EFCAB5: variants seen among roughly 807,000 people sequenced by gnomAD.
The protein encoded by EFCAB5 is EF-hand calcium-binding domain-containing protein 5.
A neutral mutation model predicts 167.9 loss-of-function variants in EFCAB5; 131 were observed. The observed-to-expected ratio is 0.78, with a 90% CI of 0.68 to 0.90. The LOEUF (loss-of-function observed/expected upper bound fraction) is 0.90, where lower values mean the gene tolerates loss of function less well. EFCAB5 is among the 40% of genes least tolerant of loss of function. The pLI is 0.00. For missense variants in EFCAB5, 1,663 were observed against 1,745.2 expected (o/e 0.95, Z 0.84); for synonymous variants, 574 against 602.8 (o/e 0.95, Z 0.70).
At chr17:29,951,633 G>A (rs1359584101) in intron 3 of EFCAB5, among the ~76,000 whole-genome samples, 1 of 151,982 alleles carries the variant, frequency 6.6e-6, no homozygotes, top group African/African-American at 2.4e-5. Flanking sequence ...GGGATTACAG[G>A]TGTGAGCCAC....
chr17:29,933,807 C>T (rs1597544119), intron 1 of EFCAB5, among the ~76,000 whole-genome samples: 1 of 152,102 alleles, frequency 6.6e-6, no homozygotes, highest in Non-Finnish European at 1.5e-5. Flanking sequence ...CTACTAAAAC[C>T]TATCAAGGAA....
intron 12 of EFCAB5, among the ~76,000 whole-genome samples, chr17:30,057,107 G>A (rs1401768648): frequency 6.6e-6 from 1 of 152,142 alleles, no homozygotes; most frequent in African/African-American, 2.4e-5. Context: ...AGGAGTTGTG[G>A]TGGTGGTATT....
At position 29,962,632 on chromosome 17, in the gene EFCAB5, CT is replaced by C. The variant is rs796553756; in HGVS notation, c.191-6140del. Among the ~76,000 whole-genome samples the C allele has an allele frequency of 8.4e-3, 923 of 110,408 alleles. 12 individuals carry two copies. Among genetic ancestry groups the C allele is most frequent in the African/African-American group, 0.029 (825 of 28,736 alleles). 72.4% of individuals were successfully genotyped at this position (110,408 alleles called of 152,430 possible). ...TACGGGTACGTGCCACCATGCCTGG[CT>C]TTTTTTTTTTTTTTTTTTAGACAGG... On this transcript the variant is annotated intron_variant, in intron 3 of 22. Transcript: ENST00000394835.
In EFCAB5 at chr17:30,092,971, C is replaced by T. The variant is rs572336820; in HGVS notation, c.4321+35C>T. 6.1e-6 allele frequency: 9 copies of T among 1,483,802 alleles called. No individual in the cohort carries two copies. In the South Asian group the frequency reaches 9.8e-5, roughly 16 times the overall value. 91.9% of individuals were successfully genotyped at this position (1,483,802 alleles called of 1,614,324 possible). On this transcript the variant is annotated intron_variant, in intron 22 of 22. Transcript: ENST00000394835. ...CACTTAATTACAGCCTAAATCTATG[C>T]CAACAGCAATAAAACACAGTTGTGA...
At chr17:30,093,563 T>G (rs191473264) in intron 22 of EFCAB5, among the ~76,000 whole-genome samples, 1 of 152,228 alleles carries the variant, frequency 6.6e-6, no homozygotes, top group Non-Finnish European at 1.5e-5. Context: ...CTTCCCGCTC[T>G]CCTACTATCT....
At position 30,053,262 on chromosome 17, in the gene EFCAB5, C is replaced by T. The variant is rs1455982190; in HGVS notation, c.1308C>T (p.Phe436=). Residue 436 remains phenylalanine, a synonymous_variant, in exon 10 of 23, where the codon TTC becomes TTT. Coordinates refer to ENST00000394835, the MANE Select transcript of EFCAB5 (RefSeq NM_198529.4). ...TTTTGTTTTCTGCATTAGGGCCATT[C>T]ATTGAATTTGAAGAGATAAACTTGA... The part of the protein sequence containing the change: ...SLLRNPRQWP[F]IEFEEINLTE... 6.3e-7 allele frequency: 1 copy of T among 1,597,822 alleles called. No individual in the cohort carries two copies. Among genetic ancestry groups the T allele is most frequent in the Non-Finnish European group, 8.5e-7 (1 of 1,171,432 alleles).
rs143162725 is a variant in EFCAB5, at chr17:30,092,686, G to A, written c.4225-154G>A. Among the ~76,000 whole-genome samples the A allele has an allele frequency of 5.1e-3, 773 of 152,248 alleles. 8 individuals are homozygous for A. Among genetic ancestry groups the A allele is most frequent in the African/African-American group, 0.018 (734 of 41,546 alleles). On this transcript the variant is annotated intron_variant, in intron 21 of 22. Transcript: ENST00000394835. ...TTACAGGCGTGAGCCACCACACCCG[G>A]CCATGGGTAACCATCATCTTCACTT...
In EFCAB5 at chr17:29,994,814, G is replaced by T. The variant is rs533964415; in HGVS notation, c.924+1493G>T. On this transcript the variant is annotated intron_variant, in intron 5 of 22. Transcript: ENST00000394835. ...TTTTTAAATGGCAAATAAATAAAAA[G>T]AGGCTCCATCAAGTTTAAGACACTT... 5.3e-5 allele frequency among the ~76,000 whole-genome samples: 8 copies of T among 152,230 alleles called. No homozygotes were observed. The South Asian group carries it at 1.7e-3, about 32-fold the overall frequency.
chr17:30,084,167 C>T (rs2071042343), intron 18 of EFCAB5, among the ~76,000 whole-genome samples: 1 of 152,154 alleles, frequency 6.6e-6, no homozygotes, highest in African/African-American at 2.4e-5. Context: ...GTCCCTACTT[C>T]CCTCCCTCAG....
intron 4 of EFCAB5, among the ~76,000 whole-genome samples, chr17:29,969,651 T>C (rs757355284): frequency 2.0e-5 from 3 of 152,182 alleles, no homozygotes; most frequent in South Asian, 2.1e-4. Context: ...GTAAGCTATA[T>C]GAAAGTTGGA....
chr17:30,105,808 G>A (rs2071442187), intron 22 of EFCAB5, among the ~76,000 whole-genome samples: 1 of 151,812 alleles, frequency 6.6e-6, no homozygotes, highest in Non-Finnish European at 1.5e-5. Context: ...TGCCAGGGTG[G>A]TGTGTGTGTG....
Position 30,057,687 on chromosome 17 carries a change from A to G in EFCAB5, c.2377A>G (p.Ile793Val). ...GNSRFTDLHS[I>V]IRNIQSCKEV... ...TTCTTGCTTGACAGATTTACACTCA[A>G]TTATCAGAAATATTCAGTCTTGCAA... The change falls in exon 13 of 23, where the codon ATT becomes GTT. Residue 793 changes from isoleucine to valine, a missense_variant. Physicochemically the swap from Ile to Val is conservative, Grantham distance 29 (BLOSUM62 3). Coordinates refer to ENST00000394835, the MANE Select transcript of EFCAB5 (RefSeq NM_198529.4). The G allele has an allele frequency of 3.1e-6, 5 of 1,612,520 alleles. No homozygotes were observed. Among genetic ancestry groups the G allele is most frequent in the South Asian group, 1.1e-5 (1 of 90,952 alleles).
chr17:30,046,539 A>G (rs2069935015), intron 8 of EFCAB5, among the ~76,000 whole-genome samples: 2 of 152,200 alleles, frequency 1.3e-5, no homozygotes. Context: ...CCCAAATATA[A>G]TGTGACAGAA....
rs2068543857 is a variant in EFCAB5 at position 29,996,363 on chromosome 17, A to G, written c.973+3A>G. ...TCAAAATCCAGATTTCAAGCTTGGT[A>G]AGTCTGCCTATTACTCTGATATTTT... On this transcript the variant is annotated splice_donor_region_variant and intron_variant, in intron 6 of 22. Coordinates refer to ENST00000394835, the MANE Select transcript of EFCAB5 (RefSeq NM_198529.4). 6.5e-7 allele frequency: 1 copy of G among 1,549,078 alleles called. No homozygotes were observed. Among genetic ancestry groups the G allele is most frequent in the Non-Finnish European group, 8.7e-7 (1 of 1,145,320 alleles).
intron 22 of EFCAB5, among the ~76,000 whole-genome samples, chr17:30,096,346 C>T (rs533300858): frequency 6.6e-6 from 1 of 152,212 alleles, no homozygotes; most frequent in Non-Finnish European, 1.5e-5. Context: ...GATAACATTA[C>T]TGCTACTTTG....
chr17:29,938,843 C>G (rs530028581), upstream of EFCAB5, among the ~76,000 whole-genome samples: 8 of 152,318 alleles, frequency 5.3e-5, no homozygotes, highest in African/African-American at 1.9e-4. Context: ...CCACTGAAGT[C>G]CTGGGGCCCT....
intron 7 of EFCAB5, among the ~76,000 whole-genome samples, chr17:30,021,343 A>T (rs556220637): frequency 7.4e-5 from 11 of 147,924 alleles, no homozygotes; most frequent in African/African-American, 2.2e-4. Context: ...TTTAATAAAT[A>T]TGGTATATAT....
chr17:30,078,801 A>C (rs1315792949), intron 15 of EFCAB5, among the ~76,000 whole-genome samples: 1 of 152,240 alleles, frequency 6.6e-6, no homozygotes, highest in Non-Finnish European at 1.5e-5. Context: ...TAGAATGGAC[A>C]ATAGACAGAT....
At chr17:29,956,125 G>A (rs1245136470) in intron 3 of EFCAB5, among the ~76,000 whole-genome samples, 1 of 152,168 alleles carries the variant, frequency 6.6e-6, no homozygotes, top group Non-Finnish European at 1.5e-5. Context: ...GCAGAATATT[G>A]AAACAGTTTT....
Sources: gnomAD v4.1 joint callset for allele counts (sites outside exome capture counted in the v4.1 genomes callset) on GRCh38, gnomAD v4.1.1 for gene constraint, MANE v1.5 for transcripts, NCBI Gene and HGNC (gene_info 2026-07-23, HGNC 2026-07-21) for gene names.